The following ZNF423 variants were observed in gnomAD, a reference collection of about 807,000 sequenced individuals.
ZNF423 encodes zinc finger protein 423, also known as Ebf-associated zinc finger protein.
In ZNF423, 12 loss-of-function variants were observed where a neutral mutation model predicts 95.8. The observed-to-expected ratio is 0.13, with a 90% confidence interval of 0.08 to 0.20. ZNF423 has a LOEUF of 0.20. Ranked by LOEUF, ZNF423 falls within the 10% of genes least tolerant of loss-of-function variation. ZNF423 has a pLI of 1.00. For synonymous variants in ZNF423, 749 were observed against 711.9 expected (o/e 1.05, Z -0.83); for missense variants, 1,316 against 1,737.1 (o/e 0.76, Z 4.31).
upstream of ZNF423, chr16:49,856,113 C>CAAAAA (rs1179159400): frequency 3.7e-4 from 1 of 2,678 alleles, no homozygotes; most frequent in African/African-American, 1.6e-3. Context: ...CCGAGTTATG[C>CAAAAA]AAAAAAAAAA....
intron 5 of ZNF423, among the ~76,000 whole-genome samples, chr16:49,528,978 C>T (rs1373284859): frequency 6.6e-6 from 1 of 152,028 alleles, no homozygotes; most frequent in Non-Finnish European, 1.5e-5. Flanking sequence ...GAATCACTTT[C>T]CTGAATTATA....
intron 2 of ZNF423, among the ~76,000 whole-genome samples, chr16:49,749,548 T>C (rs140746110): frequency 1.8e-3 from 268 of 152,358 alleles, no homozygotes; most frequent in South Asian, 0.015. Flanking sequence ...GTGACCACTT[T>C]GATGAGCGCG....
chr16:49,491,831 T>C (rs566490747), intron 7 of ZNF423, among the ~76,000 whole-genome samples: 21 of 152,300 alleles, frequency 1.4e-4, no homozygotes, highest in African/African-American at 5.1e-4. Context: ...ACAGGCGTGC[T>C]GAGGCAGTGG....
chr16:49,536,432 G>GT (rs767808121), intron 5 of ZNF423, among the ~76,000 whole-genome samples: 46,216 of 126,306 alleles, frequency 0.37, 7,717 homozygotes, highest in Non-Finnish European at 0.42. Flanking sequence ...TTTCTGGGTG[G>GT]TTTTTTTTTT....
chr16:49,631,286 C>T (rs886281625), intron 4 of ZNF423, among the ~76,000 whole-genome samples: 17 of 152,286 alleles, frequency 1.1e-4, no homozygotes, highest in African/African-American at 4.1e-4. Flanking sequence ...CACATGTAGA[C>T]TCATAAGTGC....
intron 7 of ZNF423, among the ~76,000 whole-genome samples, chr16:49,506,734 G>A (rs1261873494): frequency 6.6e-6 from 1 of 152,120 alleles, no homozygotes; most frequent in African/African-American, 2.4e-5. Flanking sequence ...TGGATAGGTG[G>A]AGAGATGGGT....
intron 5 of ZNF423, among the ~76,000 whole-genome samples, chr16:49,613,937 AG>A (rs1265667954): frequency 6.6e-6 from 1 of 152,348 alleles, no homozygotes; most frequent in East Asian, 1.9e-4. Context: ...TAATCCATAA[AG>A]GAAAAATTGA....
At chr16:49,849,298 T>C (rs946054370) in intron 1 of ZNF423, among the ~76,000 whole-genome samples, 20 of 152,132 alleles carry the variant, frequency 1.3e-4, no homozygotes, top group African/African-American at 4.6e-4. Flanking sequence ...CAAATGCCTA[T>C]AAATCTTCTG....
intron 5 of ZNF423, among the ~76,000 whole-genome samples, chr16:49,527,083 G>A (rs911928175): frequency 1.6e-4 from 24 of 152,180 alleles, no homozygotes; most frequent in Non-Finnish European, 2.6e-4. Flanking sequence ...TGGGTCCCTA[G>A]GCCCTGGCAG....
At position 49,821,108 on chromosome 16, in the gene ZNF423, T is replaced by C. The variant is rs546786944; in HGVS notation, c.41-31562A>G. ...AACCTGTTCACTTTCAAAGCCACTT[T>C]TGGAGATTTTATAGCCTGAAATGGA... On this transcript the variant is annotated intron_variant, in intron 1 of 7. Transcript: ENST00000563137. 3.9e-5 allele frequency among the ~76,000 whole-genome samples: 6 copies of C among 152,324 alleles called. No individual in the cohort carries two copies. The South Asian group carries it at 8.3e-4, about 21-fold the overall frequency.
intron 1 of ZNF423, among the ~76,000 whole-genome samples, chr16:49,826,028 T>C (rs1366164667): frequency 6.6e-6 from 1 of 152,180 alleles, no homozygotes; most frequent in South Asian, 2.1e-4. Flanking sequence ...CTAGGCAACA[T>C]AGTGAAACCT....
In ZNF423 at chr16:49,495,690, G is replaced by A. The variant is rs549383623; in HGVS notation, c.3850-4386C>T. Reference sequence around the variant, plus strand: ...GCTACACTGTCCTTCCCAAAGCACCGCCACACACTAGAGGGAATGGGCTCC... The same window carrying A: ...GCTACACTGTCCTTCCCAAAGCACCACCACACACTAGAGGGAATGGGCTCC... On this transcript the variant is annotated intron_variant, in intron 7 of 7. Coordinates refer to ENST00000563137, the MANE Select transcript of ZNF423 (RefSeq NM_001379286.1). Among the ~76,000 whole-genome samples the A allele has an allele frequency of 3.9e-5, 6 of 152,298 alleles. No homozygotes were observed. In the East Asian group the frequency reaches 5.8e-4, roughly 15 times the overall value.
intron 2 of ZNF423, among the ~76,000 whole-genome samples, chr16:49,766,087 T>C (rs766150759): frequency 4.6e-5 from 7 of 152,336 alleles, no homozygotes; most frequent in East Asian, 3.9e-4. Flanking sequence ...TTTTATCTTA[T>C]GTATTTTACC....
chr16:49,569,390 C>T (rs914826435), intron 5 of ZNF423, among the ~76,000 whole-genome samples: 1 of 152,182 alleles, frequency 6.6e-6, no homozygotes, highest in African/African-American at 2.4e-5. Context: ...AGAGCAGATG[C>T]CCAGTTAGGG....
At chr16:49,662,845 A>G (rs1171951334) in intron 3 of ZNF423, among the ~76,000 whole-genome samples, 3 of 152,226 alleles carry the variant, frequency 2.0e-5, no homozygotes, top group Admixed American at 6.5e-5. Flanking sequence ...CAAACTTTTC[A>G]GGGCACATTT....
chr16:49,680,400 G>A (rs1478884003), intron 3 of ZNF423, among the ~76,000 whole-genome samples: 3 of 152,242 alleles, frequency 2.0e-5, no homozygotes, highest in Admixed American at 6.5e-5. Flanking sequence ...GGTACGTGCT[G>A]AATGGCAGGA....
intron 2 of ZNF423, among the ~76,000 whole-genome samples, chr16:49,767,326 G>A (rs1395018874): frequency 6.6e-6 from 1 of 152,146 alleles, no homozygotes; most frequent in East Asian, 1.9e-4. Context: ...TTCAAAGCCT[G>A]GAGACCAGGG....
chr16:49,674,101 T>C (rs1168023599), intron 3 of ZNF423, among the ~76,000 whole-genome samples: 1 of 152,088 alleles, frequency 6.6e-6, no homozygotes, highest in East Asian at 1.9e-4. Context: ...GAGTGAAAAA[T>C]AGGCAGGTGG....
chr16:49,491,878 T>C (rs182705923), intron 7 of ZNF423, among the ~76,000 whole-genome samples: 114 of 152,128 alleles, frequency 7.5e-4, no homozygotes, highest in African/African-American at 2.6e-3. Context: ...AGGGGACAGG[T>C]CACCCGGCAG....
Sources: gnomAD v4.1 joint callset for allele counts (sites outside exome capture counted in the v4.1 genomes callset) on GRCh38, gnomAD v4.1.1 for gene constraint, MANE v1.5 for transcripts, NCBI Gene and HGNC (gene_info 2026-07-23, HGNC 2026-07-21) for gene names.